TTN: variants seen among roughly 807,000 people sequenced by gnomAD.
TTN encodes the protein connectin.
In TTN, 1,525 loss-of-function variants were observed where a neutral mutation model predicts 3,223.0. The observed-to-expected ratio is 0.47, with a 90% CI of 0.45 to 0.49. The LOEUF (loss-of-function observed/expected upper bound fraction) is 0.49, where lower values mean the gene tolerates loss of function less well. Among genes scored for constraint, TTN ranks in the 20% least tolerant of loss-of-function variants. TTN has a pLI of 0.00. For missense variants in TTN, 40,786 were observed against 43,424.0 expected, an observed-to-expected ratio of 0.94 and a Z score of 5.40; for synonymous variants, 14,094 against 15,161.0, an observed-to-expected ratio of 0.93 and a Z score of 5.17.
chr2:178,757,840 G>A lies in TTN; in HGVS notation c.10380C>T (p.Pro3460=), dbSNP rs2087785835. ...GGATGAAGCTGGGCTTTTGGCCAAG[G>A]GGCTCCTTCTTAAATGAAACTGATA... is the stretch of plus-strand genomic sequence containing the variant. ...VSLSVSFKKE[P]LGQKPSFIQP... is the part of the protein sequence containing the mutation. The change falls in exon 45 of 363, where the codon CCC becomes CCT. Residue 3460 remains proline (P), a synonymous_variant. Transcript: ENST00000589042. 4.4e-6 allele frequency: 7 copies of A among 1,591,310 alleles called. No individual in the cohort carries two copies. Among genetic ancestry groups the A allele is most frequent in the Non-Finnish European group, 6.0e-6 (7 of 1,169,076 alleles).
rs72629786 is a variant in TTN at position 178,532,657 on chromosome 2, C to T, written c.103958G>A (p.Arg34653His). Residue 34653 changes from arginine to histidine, a missense_variant, in exon 358 of 363, where the codon CGT becomes CAT. Physicochemically the swap from Arg to His is conservative, Grantham distance 29. Transcript: ENST00000589042. ...TTCATCAGAGATGTCCCCAAGAGAA[C>T]GTCTTCTAGGTCGGTAGTAAAAGTC... ...DYDFYYRPRR[R>H]SLGDISDEEL... The T allele has an allele frequency of 3.8e-5, 61 of 1,613,832 alleles. 1 individual carries two copies. In the Middle Eastern group the frequency reaches 3.0e-3, roughly 78 times the overall value.
intron 151 of TTN, 127 bp from the exon 152 acceptor site, chr2:178,673,837 A>G (rs2067477703): frequency 4.4e-6 from 3 of 680,648 alleles, no homozygotes; most frequent in Non-Finnish European, 4.8e-6. Flanking sequence ...CCTAAATGGT[A>G]ATAATAAATG....
In TTN at chr2:178,732,817, CAA is replaced by C. The variant is rs929800016; in HGVS notation, c.16342+15_16342+16del. 4.4e-6 allele frequency: 7 copies of C among 1,592,604 alleles called. No homozygotes were observed. In the African/African-American group the frequency reaches 8.1e-5, roughly 18 times the overall value. On this transcript the variant is annotated intron_variant, in intron 55 of 362. Coordinates refer to ENST00000589042, the MANE Select transcript of TTN (RefSeq NM_001267550.2). ...CATAATCTTTAATAAGGATAAAATGCAAAGTCTCCAGCCAACCTTGCACAATC... is the reference window on the plus strand; with the variant it reads ...CATAATCTTTAATAAGGATAAAATGCAGTCTCCAGCCAACCTTGCACAATC...
chr2:178,671,314 T>C lies in TTN; in HGVS notation c.35228-144A>G, dbSNP rs1577207107. 4 of 564,840 alleles carry C rather than the reference T, an allele frequency of 7.1e-6. No individual in the cohort carries two copies. In the East Asian group the frequency reaches 1.3e-4, roughly 19 times the overall value. 35.0% of individuals were successfully genotyped at this position (564,840 alleles called of 1,614,324 possible). A position where few individuals can be genotyped will look rare whatever the true frequency, so the allele number is the denominator to read the frequency against. On this transcript the variant is annotated intron_variant, in intron 155 of 362. Transcript: ENST00000589042. ...AACACACTTATTTCCAAAAGAGATT[T>C]GATTTGCTAAATATCATGTATATTG...
Position 178,537,899 on chromosome 2 carries a change from A to T in TTN, c.99308T>A (p.Ile33103Lys), listed in dbSNP as rs1251000688. Reference protein sequence around the residue: ...TKLTSGEAPGIRKEMKDVTTK... With the variant: ...TKLTSGEAPGKRKEMKDVTTK... ...GGTAACATCCTTCATTTCTTTGCGT[A>T]TTCCTGGGGCCTCTCCAGCTGAACA... Residue 33103 changes from isoleucine (I) to lysine (K), a missense_variant, in exon 355 of 363, where the codon ATA (isoleucine) becomes AAA (lysine). By Grantham distance (102) the Ile-to-Lys change is moderately radical. Coordinates refer to ENST00000589042, the MANE Select transcript of TTN (RefSeq NM_001267550.2). 3 of 1,610,726 alleles carry T rather than the reference A, an allele frequency of 1.9e-6. No individual in the cohort carries two copies. In the African/African-American group the frequency reaches 4.0e-5, roughly 22 times the overall value.
chr2:178,772,982 G>A, intron 33 of TTN, 127 bp downstream of exon 33: 1 of 1,233,758 alleles, frequency 8.1e-7, no homozygotes, highest in Non-Finnish European at 1.1e-6. Flanking sequence ...AGTACTATTG[G>A]CTTTGGGAAC....
chr2:178,728,381 T>C lies in TTN; in HGVS notation c.19443A>G (p.Pro6481=). ...TTTTGGTTAATTTTTTGGTGAATGA[T>C]GGAGGAATATTTTGATCTGTCCAAT... ...YLRVLDQNIP[P]SFTKKLTKMD... is the part of the protein sequence containing the mutation. The change falls in exon 67 of 363, where the codon CCA becomes CCG. Residue 6481 remains proline (P), a synonymous_variant. Transcript: ENST00000589042. 1 of 1,600,652 alleles carries C rather than the reference T, an allele frequency of 6.2e-7. No homozygotes were observed. Among genetic ancestry groups the C allele is most frequent in the Non-Finnish European group, 8.5e-7 (1 of 1,174,142 alleles).
chr2:178,740,009 G>A lies in TTN; in HGVS notation c.13224C>T (p.Ala4408=). The A allele has an allele frequency of 1.2e-6, 2 of 1,613,864 alleles. No homozygotes were observed. Among genetic ancestry groups the A allele is most frequent in the East Asian group, 4.5e-5 (2 of 44,858 alleles). ...CAGAGAAAAGACCTGGCTGCTCGCTGGCCACGGCTGCTTGCAAAGCCCGGC... is the reference window on the plus strand; with the variant it reads ...CAGAGAAAAGACCTGGCTGCTCGCTAGCCACGGCTGCTTGCAAAGCCCGGC... ...QICRALQAAV[A]SEQPGLFSEW... is the part of the protein sequence containing the mutation. Residue 4408 remains alanine (A), a synonymous_variant, in exon 48 of 363, where the codon GCC becomes GCT. Transcript: ENST00000589042.
At position 178,565,186 on chromosome 2, in the gene TTN, A is replaced by C; in HGVS notation, c.80946T>G (p.Phe26982Leu). ...CTACAAAGTCTGCACTAACTTCATCAAACCGAACTGGGCCAACTGGAGGTC... is the reference window on the plus strand; with the variant it reads ...CTACAAAGTCTGCACTAACTTCATCCAACCGAACTGGGCCAACTGGAGGTC... ...KPGPPVGPVRFDEVSADFVVI... is the reference protein window; with the variant it reads ...KPGPPVGPVRLDEVSADFVVI... Residue 26982 changes from phenylalanine to leucine, a missense_variant, in exon 326 of 363, where the codon TTT (phenylalanine) becomes TTG (leucine). Coordinates refer to ENST00000589042, the MANE Select transcript of TTN (RefSeq NM_001267550.2). 6.2e-7 allele frequency: 1 copy of C among 1,613,550 alleles called. No individual in the cohort carries two copies. Among genetic ancestry groups the C allele is most frequent in the Non-Finnish European group, 8.5e-7 (1 of 1,179,662 alleles).
rs536070530 is a variant in TTN at position 178,693,862 on chromosome 2, G to A, written c.31513+60C>T. On this transcript the variant is annotated intron_variant, in intron 118 of 362. Transcript: ENST00000589042. ...ACGATCACAAATTAGACAACAAGAGGGATAAAAATCTGCCTAAAACCCTTC... is the reference window on the plus strand; with the variant it reads ...ACGATCACAAATTAGACAACAAGAGAGATAAAAATCTGCCTAAAACCCTTC... 12 of 1,445,706 alleles carry A rather than the reference G, an allele frequency of 8.3e-6. No individual in the cohort carries two copies. The Admixed American group carries it at 1.8e-4, about 22-fold the overall frequency. The allele number at this position is 1,445,706 out of a possible 1,614,324, so 89.6% of individuals were successfully genotyped here. A position where few individuals can be genotyped will look rare whatever the true frequency, so the allele number is the denominator to read the frequency against.
intron 48 of TTN, 48 bp downstream of exon 48, chr2:178,739,093 A>G: frequency 6.8e-7 from 1 of 1,478,156 alleles, no homozygotes. Flanking sequence ...AAATCATTAC[A>G]ATCCAGTGAA....
In TTN at chr2:178,631,061, T is replaced by C. The variant is rs1271800091; in HGVS notation, c.43987A>G (p.Lys14663Glu). The change falls in exon 237 of 363, where the codon AAG (lysine) becomes GAG (glutamate). Residue 14663 changes from lysine (K) to glutamate (E), a missense_variant. Lys to Glu is a moderately conservative substitution (Grantham distance 56). Coordinates refer to ENST00000589042, the MANE Select transcript of TTN (RefSeq NM_001267550.2). ...TCAATGTCAAGTTTTCCTGAGGTCT[T>C]ATCTGTCCCACAGTCACAGGTGTAC... The part of the protein sequence containing the change: ...GQYTCDCGTD[K>E]TSGKLDIEDR... The C allele has an allele frequency of 6.2e-7, 1 of 1,613,172 alleles. No individual in the cohort carries two copies. The highest frequency in any genetic ancestry group is 8.5e-7 in the Non-Finnish European group (1 of 1,179,582).
chr2:178,652,922 G>A lies in TTN; in HGVS notation c.38885C>T (p.Ala12962Val). 6.2e-7 allele frequency: 1 copy of A among 1,606,642 alleles called. No individual in the cohort carries two copies. Among genetic ancestry groups the A allele is most frequent in the South Asian group, 1.1e-5 (1 of 89,840 alleles). The stretch of plus-strand genomic sequence containing the variant: ...CTTTTCAGGAACAACCTCTATGGGA[G>A]CCTCTGGCACTTAAAAGATATTAGT... ...PEVPPVKVPE[A>V]PIEVVPEKKM... Residue 12962 changes from alanine to valine, a missense_variant, in exon 200 of 363, where the codon GCT (alanine) becomes GTT (valine). Transcript: ENST00000589042.
intron 354 of TTN, chr2:178,538,243 G>A: frequency 2.2e-6 from 1 of 459,234 alleles, no homozygotes; most frequent in Non-Finnish European, 3.8e-6. Context: ...CATTGAAGTG[G>A]CATACAATTG....
At chr2:178,766,996 T>C (rs986105272) in intron 40 of TTN, among the ~76,000 whole-genome samples, 8 of 152,224 alleles carry the variant, frequency 5.3e-5, no homozygotes, top group African/African-American at 1.4e-4. Flanking sequence ...ATAATAACTT[T>C]GTGGGCTAGG....
Position 178,583,905 on chromosome 2 carries a change from A to T in TTN, c.65277T>A (p.Asp21759Glu). Reference sequence around the variant, plus strand: ...CAATAACCTCAGGTTTCCCAGGAGGATCTAAAACAAAAAGAGGTACACTCA... The same window carrying T: ...CAATAACCTCAGGTTTCCCAGGAGGTTCTAAAACAAAAAGAGGTACACTCA... ...TEYVTARMPV[D>E]PPGKPEVIDV... The change falls in exon 312 of 363, where the codon GAT becomes GAA. Residue 21759 changes from aspartate (D) to glutamate (E), a missense_variant and splice_region_variant. By Grantham distance (45) the Asp-to-Glu change is conservative (BLOSUM62 2). Transcript: ENST00000589042. 6.4e-7 allele frequency: 1 copy of T among 1,557,374 alleles called. No homozygotes were observed. The highest frequency in any genetic ancestry group is 1.2e-5 in the South Asian group (1 of 82,506).
chr2:178,773,548 A>G lies in TTN; in HGVS notation c.7508T>C (p.Val2503Ala), dbSNP rs751964863. The part of the protein sequence containing the change: ...AIVKGTKQRL[V>A]INRTHASDEG... ...GTCTGAAGCATGAGTTCGGTTAATG[A>G]CTAGTCGCTGTTTAGTACCTTTCAC... is the stretch of plus-strand genomic sequence containing the variant. The change falls in exon 32 of 363, where the codon GTC becomes GCC. Residue 2503 changes from valine to alanine, a missense_variant. Val to Ala is a moderately conservative substitution (Grantham distance 64, BLOSUM62 0). Transcript: ENST00000589042. The G allele has an allele frequency of 5.6e-6, 9 of 1,613,906 alleles. No homozygotes were observed. The East Asian group carries it at 1.8e-4, about 32-fold the overall frequency.
At chr2:178,677,106 T>C (rs2068240152) in intron 147 of TTN, 95 bp downstream of exon 147, 2 of 730,944 alleles carry the variant, frequency 2.7e-6, no homozygotes, top group Non-Finnish European at 3.6e-6. Flanking sequence ...TGATTATCCA[T>C]TTTGTAAATA....
At position 178,757,918 on chromosome 2, in the gene TTN, TG is replaced by T. The variant is rs1426017594; in HGVS notation, c.10304-3del. 1 of 1,516,040 alleles carries T rather than the reference TG, an allele frequency of 6.6e-7. No homozygotes were observed. Among genetic ancestry groups the T allele is most frequent in the Non-Finnish European group, 8.8e-7 (1 of 1,133,798 alleles). 93.9% of individuals were successfully genotyped at this position (1,516,040 alleles called of 1,614,324 possible). A position where few individuals can be genotyped will look rare whatever the true frequency, so the allele number is the denominator to read the frequency against. ...TATTTTCTTCAAATTTGCTAAATCC[TG>T]AAAAGAAGCATACCAATTTTTAATG... On this transcript the variant is annotated splice_polypyrimidine_tract_variant and splice_region_variant and intron_variant, in intron 44 of 362. Transcript: ENST00000589042.
Sources: allele counts gnomAD v4.1 joint callset (sites outside exome capture counted in the v4.1 genomes callset), GRCh38; gene constraint gnomAD v4.1.1; transcripts MANE v1.5; gene names NCBI Gene and HGNC (gene_info 2026-07-23, HGNC 2026-07-21).